PAWR: variants seen among roughly 807,000 people sequenced by gnomAD.
The protein encoded by PAWR is pro-apoptotic WT1 regulator, also known as PRKC apoptosis WT1 regulator protein.
Under a neutral mutation model 32.0 loss-of-function variants are expected in PAWR, and 23 were observed. The ratio of observed to expected loss-of-function variants is 0.72; its 90% CI spans 0.52 to 1.02. The LOEUF (loss-of-function observed/expected upper bound fraction) is 1.02, where lower values mean the gene tolerates loss of function less well. Ranked by LOEUF, PAWR falls within the 50% of genes least tolerant of loss-of-function variation. PAWR has a pLI of 0.00. For missense variants in PAWR, 457 were observed against 437.7 expected (o/e 1.04, Z -0.39); for synonymous variants, 226 against 187.1 (o/e 1.21, Z -1.70).
chr12:79,640,803 G>T (rs1211915242), intron 2 of PAWR, among the ~76,000 whole-genome samples: 1 of 152,104 alleles, frequency 6.6e-6, no homozygotes, highest in Non-Finnish European at 1.5e-5. Flanking sequence ...AAAGAGAAAG[G>T]ACTTAGGAGA....
intron 2 of PAWR, among the ~76,000 whole-genome samples, chr12:79,668,928 T>C (rs536494014): frequency 1.2e-4 from 19 of 152,268 alleles, no homozygotes; most frequent in African/African-American, 4.1e-4. Flanking sequence ...CTCATCCCAA[T>C]CAAATACAAA....
At chr12:79,688,304 A>G (rs774347337) in intron 2 of PAWR, 1 of 152,116 alleles carries the variant, frequency 6.6e-6, no homozygotes, top group African/African-American at 2.4e-5. Context: ...ATCTGCCAAG[A>G]TATTTCCCAA....
chr12:79,680,039 T>C (rs935086554), intron 2 of PAWR, among the ~76,000 whole-genome samples: 1 of 152,232 alleles, frequency 6.6e-6, no homozygotes, highest in African/African-American at 2.4e-5. Flanking sequence ...GACAGATTGA[T>C]GGGGATACAG....
Position 79,690,299 on chromosome 12 carries a change from C to T in PAWR, c.-55G>A. On this transcript the variant is annotated 5_prime_UTR_variant, in exon 2 of 7. Transcript: ENST00000328827. Reference sequence around the variant, plus strand: ...CTCAGGCCGCCCACCAGGGCTCCGGCCGCTGCCTCCTCTTCCTTCCTGCGG... The same window carrying T: ...CTCAGGCCGCCCACCAGGGCTCCGGTCGCTGCCTCCTCTTCCTTCCTGCGG... 1 of 1,388,564 alleles carries T rather than the reference C, an allele frequency of 7.2e-7. No homozygotes were observed. Among genetic ancestry groups the T allele is most frequent in the African/African-American group, 1.5e-5 (1 of 66,476 alleles). 86.0% of individuals were successfully genotyped at this position (1,388,564 alleles called of 1,614,324 possible). A position where few individuals can be genotyped will look rare whatever the true frequency, so the allele number is the denominator to read the frequency against.
At chr12:79,636,409 G>A (rs185290195) in intron 2 of PAWR, among the ~76,000 whole-genome samples, 2 of 152,158 alleles carry the variant, frequency 1.3e-5, no homozygotes, top group African/African-American at 4.8e-5. Context: ...TTGAACAGTA[G>A]GGGTAAACCT....
intron 2 of PAWR, among the ~76,000 whole-genome samples, chr12:79,632,353 A>G (rs1223945021): frequency 5.1e-5 from 1 of 19,606 alleles, no homozygotes; most frequent in African/African-American, 3.1e-4. Flanking sequence ...ATATATATAT[A>G]TATATATATT....
intron 2 of PAWR, chr12:79,632,286 GAAAT>G (rs1411536308): frequency 1.1e-5 from 1 of 88,714 alleles, no homozygotes; most frequent in Non-Finnish European, 2.0e-5. Context: ...TCCAGAAATA[GAAAT>G]ATATACATAT....
At chr12:79,687,784 C>T (rs553573128) in intron 2 of PAWR, among the ~76,000 whole-genome samples, 2 of 152,142 alleles carry the variant, frequency 1.3e-5, no homozygotes, top group South Asian at 4.1e-4. Context: ...TATTTTACCA[C>T]TATTAAAATA....
chr12:79,654,787 C>G (rs941728559), intron 2 of PAWR, among the ~76,000 whole-genome samples: 2 of 152,110 alleles, frequency 1.3e-5, no homozygotes, highest in Admixed American at 6.6e-5. Flanking sequence ...CGTGAGAATT[C>G]ACTATCACGA....
chr12:79,592,801 T>C, intron 6 of PAWR, 108 bp from the exon 7 acceptor site: 1 of 560,732 alleles, frequency 1.8e-6, no homozygotes, highest in Non-Finnish European at 3.1e-6. Flanking sequence ...AATTTTGAAA[T>C]GAGGGCAAGC....
intron 2 of PAWR, among the ~76,000 whole-genome samples, chr12:79,684,171 GA>G (rs1220448028): frequency 2.6e-5 from 4 of 151,632 alleles, no homozygotes; most frequent in Non-Finnish European, 4.4e-5. Context: ...TTTAAAAAAG[GA>G]AAAAAAGCAC....
intron 2 of PAWR, among the ~76,000 whole-genome samples, chr12:79,637,223 C>T (rs1042277160): frequency 1.3e-5 from 2 of 152,082 alleles, no homozygotes; most frequent in African/African-American, 4.8e-5. Context: ...CACACAATTA[C>T]AAACCATGTG....
chr12:79,593,129 A>T (rs143858731), intron 6 of PAWR, among the ~76,000 whole-genome samples: 2 of 152,160 alleles, frequency 1.3e-5, no homozygotes, highest in South Asian at 2.1e-4. Context: ...GTGCAGGTAC[A>T]AGTTCTAGAT....
intron 3 of PAWR, among the ~76,000 whole-genome samples, chr12:79,617,902 GCTC>G (rs1173726220): frequency 2.0e-5 from 3 of 152,098 alleles, no homozygotes; most frequent in African/African-American, 7.2e-5. Flanking sequence ...TCTCGCTCCT[GCTC>G]CTATCATGTG....
At chr12:79,615,987 G>A (rs972279339) in intron 3 of PAWR, among the ~76,000 whole-genome samples, 2 of 149,856 alleles carry the variant, frequency 1.3e-5, no homozygotes, top group Non-Finnish European at 2.9e-5. Context: ...AACTCAAGAG[G>A]CAGAGGTTGC....
chr12:79,685,965 A>C (rs1878661466), intron 2 of PAWR, among the ~76,000 whole-genome samples: 1 of 152,158 alleles, frequency 6.6e-6, no homozygotes, highest in Non-Finnish European at 1.5e-5. Flanking sequence ...TTTAAGCTCT[A>C]AGTCTTCATT....
rs1226115789 is a variant in PAWR at position 79,646,681 on chromosome 12, T to C, written c.517-25474A>G. Among the ~76,000 whole-genome samples the C allele has an allele frequency of 2.6e-5, 4 of 152,144 alleles. No homozygotes were observed. The East Asian group carries it at 7.7e-4, about 29-fold the overall frequency. ...GAAAAAAGGAGAAAGAGAATTATAT[T>C]CAGAGGTTAAATGATCTTTTAAGAG... On this transcript the variant is annotated intron_variant, in intron 2 of 6. Coordinates refer to ENST00000328827, the MANE Select transcript of PAWR (RefSeq NM_002583.4).
At chr12:79,674,261 C>T (rs779509825) in intron 2 of PAWR, among the ~76,000 whole-genome samples, 1 of 152,044 alleles carries the variant, frequency 6.6e-6, no homozygotes, top group Non-Finnish European at 1.5e-5. Flanking sequence ...ACACCTACAA[C>T]CATCTGATCT....
At chr12:79,618,445 G>A (rs1482866797) in intron 3 of PAWR, among the ~76,000 whole-genome samples, 2 of 151,890 alleles carry the variant, frequency 1.3e-5, no homozygotes, top group African/African-American at 2.4e-5. Flanking sequence ...ACTTCTTTCT[G>A]GTAAGAACAT....
Sources: allele counts gnomAD v4.1 joint callset (sites outside exome capture counted in the v4.1 genomes callset), GRCh38; gene constraint gnomAD v4.1.1; transcripts MANE v1.5; gene names NCBI Gene and HGNC (gene_info 2026-07-23, HGNC 2026-07-21).